Variants in NDRG3 observed in about 807,000 individuals in gnomAD.
NDRG3 encodes NDRG family member 3, also known as protein NDRG3.
NDRG3 carries 23 observed loss-of-function variants against 57.2 expected under a neutral mutation model. The ratio of observed to expected loss-of-function variants is 0.40; its 90% CI spans 0.29 to 0.57. NDRG3 has a LOEUF of 0.57. NDRG3 is among the 20% of genes least tolerant of loss of function. NDRG3 has a pLI of 0.42. For missense variants in NDRG3, 384 were observed against 457.3 expected (o/e 0.84, Z 1.46); for synonymous variants, 132 against 162.6 (o/e 0.81, Z 1.43).
chr20:36,694,822 A>T (rs576943516), intron 3 of NDRG3, among the ~76,000 whole-genome samples: 2 of 152,084 alleles, frequency 1.3e-5, no homozygotes, highest in Admixed American at 1.3e-4. Context: ...CAGTAGCGTG[A>T]TCTCAACTCA....
Position 36,652,774 on chromosome 20 carries a change from G to A in NDRG3, c.*746C>T, listed in dbSNP as rs913035747. On this transcript the variant is annotated 3_prime_UTR_variant, in exon 16 of 16. Transcript: ENST00000349004. The stretch of plus-strand genomic sequence containing the variant: ...GTAATTAAACCACATTCACTCCTTG[G>A]AAAAAACTCTATGTTGTATCAGAAC... 2 of 152,138 alleles carry A rather than the reference G, an allele frequency of 1.3e-5. No individual in the cohort carries two copies. Among genetic ancestry groups the A allele is most frequent in the African/African-American group, 2.4e-5 (1 of 41,428 alleles). 9.4% of individuals were successfully genotyped at this position (152,138 alleles called of 1,614,324 possible).
chr20:36,684,349 A>G (rs1416093110), intron 6 of NDRG3, 64 bp downstream of exon 6: 2 of 1,337,420 alleles, frequency 1.5e-6, no homozygotes, highest in African/African-American at 2.9e-5. Context: ...TCTGAAACAG[A>G]CACTAAATAA....
intron 1 of NDRG3, among the ~76,000 whole-genome samples, chr20:36,730,955 A>G (rs2148215824): frequency 6.6e-6 from 1 of 151,672 alleles, no homozygotes; most frequent in African/African-American, 2.4e-5. Flanking sequence ...AAAAAAAAAG[A>G]AAGAAAGAAA....
intron 5 of NDRG3, among the ~76,000 whole-genome samples, chr20:36,685,852 TAAC>T (rs1981741968): frequency 1.3e-5 from 2 of 151,840 alleles, no homozygotes; most frequent in Admixed American, 1.3e-4. Context: ...CTACAGAAAA[TAAC>T]AATAATTAGC....
intron 1 of NDRG3, among the ~76,000 whole-genome samples, chr20:36,727,483 G>C (rs1306486328): frequency 6.6e-6 from 1 of 152,118 alleles, no homozygotes; most frequent in Admixed American, 6.5e-5. Context: ...GCCTCCCAAA[G>C]TGGTGGGATT....
rs1371651771 is a variant in NDRG3, at chr20:36,668,989, A to G, written c.588+2352T>C. Among the ~76,000 whole-genome samples, 4 of 151,510 alleles carry G rather than the reference A, an allele frequency of 2.6e-5. No individual in the cohort carries two copies. In the East Asian group the frequency reaches 7.7e-4, roughly 29 times the overall value. On this transcript the variant is annotated intron_variant, in intron 9 of 15. Coordinates refer to ENST00000349004, the MANE Select transcript of NDRG3 (RefSeq NM_032013.4). The stretch of plus-strand genomic sequence containing the variant: ...TGGTCTCGAATTATGGGCTCAAGTG[A>G]TCCTCCCATCACAGCCTCCCAAGTA...
intron 1 of NDRG3, among the ~76,000 whole-genome samples, chr20:36,733,003 C>T (rs1032128652): frequency 8.0e-5 from 12 of 150,798 alleles, no homozygotes; most frequent in Admixed American, 1.3e-4. Context: ...AAAAATTAGC[C>T]GGGTGTGATG....
intron 3 of NDRG3, among the ~76,000 whole-genome samples, chr20:36,691,556 T>C (rs975436193): frequency 5.9e-5 from 9 of 151,920 alleles, no homozygotes; most frequent in African/African-American, 2.2e-4. Context: ...TCTACAAAAA[T>C]ATAAAAATTA....
chr20:36,722,595 T>C (rs1184214034), intron 1 of NDRG3, among the ~76,000 whole-genome samples: 2 of 152,168 alleles, frequency 1.3e-5, no homozygotes, highest in East Asian at 3.9e-4. Flanking sequence ...AAATTGAAGA[T>C]TATTACTGCA....
At position 36,692,048 on chromosome 20, in the gene NDRG3, C is replaced by T. The variant is rs150564188; in HGVS notation, c.94-3264G>A. Among the ~76,000 whole-genome samples, 1,007 of 151,978 alleles carry T rather than the reference C, an allele frequency of 6.6e-3. 9 individuals are homozygous for T. The highest frequency in any genetic ancestry group is 0.022 in the African/African-American group (911 of 41,440). ...TATAAAAGAAACAACTAGGGTGCTA[C>T]GATAGAAAAGTAAGAAGACATTACC... is the stretch of plus-strand genomic sequence containing the variant. On this transcript the variant is annotated intron_variant, in intron 3 of 15. Coordinates refer to ENST00000349004, the MANE Select transcript of NDRG3 (RefSeq NM_032013.4).
At chr20:36,673,055 G>T (rs1980320753) in intron 8 of NDRG3, among the ~76,000 whole-genome samples, 1 of 151,996 alleles carries the variant, frequency 6.6e-6, no homozygotes. Flanking sequence ...GTAGAGACGA[G>T]GTCTCACTGT....
intron 9 of NDRG3, among the ~76,000 whole-genome samples, chr20:36,667,775 A>G (rs1296824854): frequency 2.0e-5 from 3 of 152,216 alleles, no homozygotes; most frequent in Admixed American, 2.0e-4. Context: ...AGAAATAGAG[A>G]CATGGAAAAA....
intron 13 of NDRG3, among the ~76,000 whole-genome samples, chr20:36,658,038 A>G (rs2148021651): frequency 6.6e-6 from 1 of 152,294 alleles, no homozygotes; most frequent in East Asian, 1.9e-4. Flanking sequence ...TTTGCGAAAA[A>G]TAACTATGTC....
intron 8 of NDRG3, among the ~76,000 whole-genome samples, chr20:36,672,288 T>C (rs1980238405): frequency 6.6e-6 from 1 of 152,212 alleles, no homozygotes; most frequent in Non-Finnish European, 1.5e-5. Flanking sequence ...TGTAGTCTAT[T>C]TTCAGAAAAA....
chr20:36,691,480 G>A (rs1193433334), intron 3 of NDRG3, among the ~76,000 whole-genome samples: 2 of 152,170 alleles, frequency 1.3e-5, no homozygotes, highest in South Asian at 2.1e-4. Flanking sequence ...TTGGGAGGCC[G>A]AGGCAGGCAG....
chr20:36,689,617 C>T (rs1299430945), intron 3 of NDRG3, among the ~76,000 whole-genome samples: 1 of 152,000 alleles, frequency 6.6e-6, no homozygotes, highest in Non-Finnish European at 1.5e-5. Flanking sequence ...TGGATCTTGG[C>T]TACCATGTTT....
intron 1 of NDRG3, among the ~76,000 whole-genome samples, chr20:36,727,990 A>G (rs1352109713): frequency 6.6e-6 from 1 of 152,162 alleles, no homozygotes; most frequent in Non-Finnish European, 1.5e-5. Context: ...CTTCAGCCCA[A>G]GAGTTTGAGT....
chr20:36,668,913 C>T (rs1396466823), intron 9 of NDRG3, among the ~76,000 whole-genome samples: 2 of 151,756 alleles, frequency 1.3e-5, no homozygotes, highest in Non-Finnish European at 2.9e-5. Flanking sequence ...CTTAGCTTTC[C>T]CCTCAGAGGC....
chr20:36,709,230 G>A (rs1482138605), intron 2 of NDRG3, among the ~76,000 whole-genome samples: 1 of 152,100 alleles, frequency 6.6e-6, no homozygotes, highest in Non-Finnish European at 1.5e-5. Context: ...AGTTACATTA[G>A]CCATATCTCA....
Sources: gnomAD v4.1 joint callset for allele counts (sites outside exome capture counted in the v4.1 genomes callset) on GRCh38, gnomAD v4.1.1 for gene constraint, MANE v1.5 for transcripts, NCBI Gene and HGNC (gene_info 2026-07-23, HGNC 2026-07-21) for gene names.